Variants in LRP1B observed in about 807,000 individuals in gnomAD.
The protein encoded by LRP1B is LDL receptor related protein 1B, also known as low-density lipoprotein receptor-related protein 1B.
In LRP1B, 217 loss-of-function variants were observed where a neutral mutation model predicts 556.6. The observed-to-expected ratio is 0.39, with a 90% CI of 0.35 to 0.44. LRP1B has a LOEUF of 0.44. Ranked by LOEUF, LRP1B falls within the 20% of genes least tolerant of loss-of-function variation. The pLI is 1.00. For synonymous variants in LRP1B, 2,047 were observed against 1,865.8 expected (o/e 1.10, Z -2.50); for missense variants, 5,053 against 5,620.8 (o/e 0.90, Z 3.23).
intron 6 of LRP1B, among the ~76,000 whole-genome samples, chr2:141,206,005 T>G (rs77333999): frequency 3.3e-5 from 5 of 152,252 alleles, no homozygotes; most frequent in African/African-American, 1.2e-4. Context: ...CTGGGCCTAA[T>G]GAGGCACCTT....
chr2:140,290,414 CACTT>C (rs1185066766), intron 84 of LRP1B, among the ~76,000 whole-genome samples: 2 of 152,012 alleles, frequency 1.3e-5, no homozygotes, highest in East Asian at 3.9e-4. Flanking sequence ...ATGAAGACAA[CACTT>C]ACTTTCTCAT....
chr2:141,568,303 A>G (rs781187480), intron 2 of LRP1B, among the ~76,000 whole-genome samples: 1 of 151,186 alleles, frequency 6.6e-6, no homozygotes, highest in Non-Finnish European at 1.5e-5. Context: ...AAATTAAAAA[A>G]ATCACTATGC....
chr2:141,236,433 T>C (rs1301342601), intron 5 of LRP1B, among the ~76,000 whole-genome samples: 1 of 152,102 alleles, frequency 6.6e-6, no homozygotes. Flanking sequence ...AGTAGAATGT[T>C]TGTTGCCAGA....
chr2:140,754,896 T>G (rs926074693), intron 35 of LRP1B, among the ~76,000 whole-genome samples: 15 of 151,240 alleles, frequency 9.9e-5, no homozygotes, highest in Non-Finnish European at 2.9e-5. Context: ...ACTGAAAAGA[T>G]CAACAAATTT....
At chr2:140,530,799 T>C (rs1482978655) in intron 47 of LRP1B, among the ~76,000 whole-genome samples, 1 of 152,136 alleles carries the variant, frequency 6.6e-6, no homozygotes, top group Non-Finnish European at 1.5e-5. Context: ...GTTATAATTT[T>C]ACCATAAAAG....
intron 20 of LRP1B, among the ~76,000 whole-genome samples, chr2:140,946,517 C>T (rs1053898604): frequency 1.3e-5 from 2 of 152,016 alleles, no homozygotes; most frequent in African/African-American, 4.8e-5. Flanking sequence ...ATGAGAGTTG[C>T]GTGAACCCAG....
intron 1 of LRP1B, among the ~76,000 whole-genome samples, chr2:141,888,617 GA>G (rs1222070266): frequency 6.6e-6 from 1 of 152,108 alleles, no homozygotes; most frequent in Non-Finnish European, 1.5e-5. Flanking sequence ...CCACAGACAA[GA>G]AAATTCCACA....
intron 1 of LRP1B, among the ~76,000 whole-genome samples, chr2:142,052,205 G>A (rs1704488149): frequency 6.6e-6 from 1 of 151,928 alleles, no homozygotes; most frequent in Non-Finnish European, 1.5e-5. Flanking sequence ...ACGTCTACCT[G>A]AGTATTAAGT....
At chr2:141,228,661 C>T (rs1460937764) in intron 6 of LRP1B, among the ~76,000 whole-genome samples, 1 of 151,582 alleles carries the variant, frequency 6.6e-6, no homozygotes, top group African/African-American at 2.4e-5. Context: ...AAGAGAAGGA[C>T]AGTCTGTCAA....
Position 140,352,952 on chromosome 2 carries a change from C to A in LRP1B, c.11650+1G>T, listed in dbSNP as rs1437420795. On this transcript the variant is annotated splice_donor_variant, in intron 76 of 90. Transcript: ENST00000389484. LOFTEE classifies it high-confidence loss of function. Reference sequence around the variant, plus strand: ...ATTTGCAATAGTGGTTATAATCTTACCTTCTGCTATGCAGGTGTTATTTCT... The same window carrying A: ...ATTTGCAATAGTGGTTATAATCTTAACTTCTGCTATGCAGGTGTTATTTCT... 1 of 1,609,632 alleles carries A rather than the reference C, an allele frequency of 6.2e-7. No individual in the cohort carries two copies. Among genetic ancestry groups the A allele is most frequent in the Non-Finnish European group, 8.5e-7 (1 of 1,178,388 alleles).
In LRP1B at chr2:140,854,987, C is replaced by T. The variant is rs1692570228; in HGVS notation, c.4580-3204G>A. Among the ~76,000 whole-genome samples the T allele has an allele frequency of 2.0e-5, 3 of 152,266 alleles. No individual in the cohort carries two copies. The South Asian group carries it at 6.2e-4, about 32-fold the overall frequency. On this transcript the variant is annotated intron_variant, in intron 27 of 90. Transcript: ENST00000389484. ...CAGATGAAATATAAATACAGCTGGG[C>T]AGACTGGGTTCACTGATAGCTCATA...
At chr2:140,559,172 T>A (rs1680842483) in intron 43 of LRP1B, among the ~76,000 whole-genome samples, 1 of 152,090 alleles carries the variant, frequency 6.6e-6, no homozygotes, top group African/African-American at 2.4e-5. Context: ...AGTATGCAAA[T>A]CTAGACTTCA....
intron 2 of LRP1B, among the ~76,000 whole-genome samples, chr2:141,766,465 G>A (rs1694736134): frequency 6.6e-6 from 1 of 152,154 alleles, no homozygotes; most frequent in Non-Finnish European, 1.5e-5. Flanking sequence ...GTCATTTGAA[G>A]TGGTTAGCTT....
intron 81 of LRP1B, 95 bp from the exon 82 acceptor site, chr2:140,322,183 A>C (rs1236101820): frequency 2.5e-6 from 3 of 1,212,384 alleles, no homozygotes; most frequent in Non-Finnish European, 3.5e-6. Flanking sequence ...TTAATTAGCA[A>C]TGTTGAAAAG....
At chr2:141,205,746 C>T (rs1416137097) in intron 6 of LRP1B, among the ~76,000 whole-genome samples, 2 of 151,958 alleles carry the variant, frequency 1.3e-5, no homozygotes, top group African/African-American at 2.4e-5. Flanking sequence ...TTTCAAATGT[C>T]TTTGAAAAAA....
chr2:141,230,026 C>G (rs1683399932), intron 5 of LRP1B, among the ~76,000 whole-genome samples: 1 of 152,100 alleles, frequency 6.6e-6, no homozygotes, highest in Non-Finnish European at 1.5e-5. Context: ...GTCAGGAAAA[C>G]AAGATTCTAG....
At chr2:141,850,227 T>C (rs1293220117) in intron 1 of LRP1B, among the ~76,000 whole-genome samples, 3 of 151,694 alleles carry the variant, frequency 2.0e-5, no homozygotes, top group Non-Finnish European at 4.4e-5. Context: ...GTCATTTTTA[T>C]GCTTTTTTTC....
At chr2:141,869,692 A>G (rs1041038955) in intron 1 of LRP1B, among the ~76,000 whole-genome samples, 6 of 152,148 alleles carry the variant, frequency 3.9e-5, no homozygotes, top group Non-Finnish European at 7.4e-5. Context: ...ATTGTCTTTG[A>G]AAGTTTGAAA....
chr2:142,073,862 G>A (rs1221743145), intron 1 of LRP1B, among the ~76,000 whole-genome samples: 1 of 151,856 alleles, frequency 6.6e-6, no homozygotes, highest in Non-Finnish European at 1.5e-5. Context: ...CACGTGCACT[G>A]CTGGCTTCCC....
Sources: gnomAD v4.1 joint callset for allele counts (sites outside exome capture counted in the v4.1 genomes callset) on GRCh38, gnomAD v4.1.1 for gene constraint, MANE v1.5 for transcripts, NCBI Gene and HGNC (gene_info 2026-07-23, HGNC 2026-07-21) for gene names.